PDE4D: variants seen among roughly 807,000 people sequenced by gnomAD.
The protein encoded by PDE4D is 3',5'-cyclic-AMP phosphodiesterase 4D.
Under a neutral mutation model 87.4 loss-of-function variants are expected in PDE4D, and 24 were observed. The ratio of observed to expected loss-of-function variants is 0.27; its 90% CI spans 0.20 to 0.39. PDE4D has a LOEUF of 0.39. Among genes scored for constraint, PDE4D ranks in the 10% least tolerant of loss-of-function variants. PDE4D has a pLI of 1.00. For synonymous variants in PDE4D, 384 were observed against 383.2 expected, an observed-to-expected ratio of 1.00 and a Z score of -0.02; for missense variants, 714 against 1,041.0, an observed-to-expected ratio of 0.69 and a Z score of 4.32.
intron 1 of PDE4D, among the ~76,000 whole-genome samples, chr5:59,635,889 A>G (rs889014545): frequency 2.0e-5 from 3 of 152,218 alleles, no homozygotes; most frequent in African/African-American, 4.8e-5. Context: ...GGCCAGGGCA[A>G]TCAGGCAAGA....
intron 1 of PDE4D, among the ~76,000 whole-genome samples, chr5:59,828,323 T>C (rs753436093): frequency 2.4e-4 from 37 of 152,198 alleles, no homozygotes; most frequent in South Asian, 1.0e-3. Context: ...TTTTTTTCCT[T>C]TTTGTAAGGA....
intron 1 of PDE4D, among the ~76,000 whole-genome samples, chr5:59,880,356 C>T (rs908207369): frequency 3.9e-5 from 6 of 152,042 alleles, no homozygotes; most frequent in Non-Finnish European, 5.9e-5. Context: ...GTAATAATCC[C>T]GCCTCGGCCT....
At chr5:59,234,697 A>C (rs1755986130) in intron 1 of PDE4D, among the ~76,000 whole-genome samples, 2 of 152,218 alleles carry the variant, frequency 1.3e-5, no homozygotes, top group Non-Finnish European at 2.9e-5. Flanking sequence ...ATATGCTGTA[A>C]AATAACTTCT....
chr5:59,935,318 T>C (rs1756445899), intron 3 of PDE4D, among the ~76,000 whole-genome samples: 1 of 151,872 alleles, frequency 6.6e-6, no homozygotes, highest in African/African-American at 2.4e-5. Flanking sequence ...AAATGGAGAC[T>C]CAAGACAGTA....
Position 59,858,669 on chromosome 5 carries a change from T to G in PDE4D, c.455+34499A>C, listed in dbSNP as rs114729072. 1.9e-3 allele frequency among the ~76,000 whole-genome samples: 294 copies of G among 152,270 alleles called. 1 individual carries two copies. The highest frequency in any genetic ancestry group is 6.8e-3 in the African/African-American group (283 of 41,562). On this transcript the variant is annotated intron_variant, in intron 1 of 14. Transcript: ENST00000340635. Reference sequence around the variant, plus strand: ...CACATAACTATCCATAAGTTCAACATAGATCAACCAAACACCAGTTGCCCC... The same window carrying G: ...CACATAACTATCCATAAGTTCAACAGAGATCAACCAAACACCAGTTGCCCC...
rs60337924 is a variant in PDE4D at position 59,131,645 on chromosome 5, C to CACACACACACAT, written c.808+48949_808+48950insATGTGTGTGTGT. Among the ~76,000 whole-genome samples the CACACACACACAT allele has an allele frequency of 7.7e-3, 1,124 of 146,388 alleles. 27 individuals are homozygous for CACACACACACAT. Among genetic ancestry groups the CACACACACACAT allele is most frequent in the African/African-American group, 0.016 (610 of 38,198 alleles). ...ACACACACACACACACACACACACA[C>CACACACACACAT]ATTAATGAGAGATTTCTAAGCCCCC... On this transcript the variant is annotated intron_variant, in intron 5 of 14. Transcript: ENST00000340635.
chr5:59,106,536 T>G (rs1436810385), intron 5 of PDE4D, among the ~76,000 whole-genome samples: 2 of 151,738 alleles, frequency 1.3e-5, no homozygotes, highest in Non-Finnish European at 2.9e-5. Flanking sequence ...GCCGAGGCAG[T>G]TGGATCATGA....
chr5:60,433,940 A>C (rs2150120685), intron 1 of PDE4D, among the ~76,000 whole-genome samples: 1 of 152,236 alleles, frequency 6.6e-6, no homozygotes, highest in Middle Eastern at 3.4e-3. Flanking sequence ...GGTAGGAGGA[A>C]GGTGATGATC....
chr5:60,364,179 G>A (rs1413239578), intron 1 of PDE4D, among the ~76,000 whole-genome samples: 1 of 152,126 alleles, frequency 6.6e-6, no homozygotes, highest in African/African-American at 2.4e-5. Context: ...TGAGTTCCAG[G>A]TTCTCCTCAG....
rs1767969244 is a variant in PDE4D at position 60,037,759 on chromosome 5, A to G, written c.43-49042T>C. Among the ~76,000 whole-genome samples the G allele has an allele frequency of 2.6e-5, 4 of 152,224 alleles. No individual in the cohort carries two copies. In the South Asian group the frequency reaches 8.3e-4, roughly 31 times the overall value. ...TGTGCAATATTGTTTAGCTAAAGAA[A>G]TCAAAGGTAGTTCTGAAATATGGAA... On this transcript the variant is annotated intron_variant, in intron 2 of 16. Coordinates refer to the PDE4D transcript ENST00000502484.
chr5:59,320,343 C>A lies in PDE4D; in HGVS notation c.456-104375G>T, dbSNP rs1027172694. ...ACTTAGTCTGGAAACACAGGCTATACATAATATCAGGAAGGACATCTTCGG... is the reference window on the plus strand; with the variant it reads ...ACTTAGTCTGGAAACACAGGCTATAAATAATATCAGGAAGGACATCTTCGG... On this transcript the variant is annotated intron_variant, in intron 1 of 14. Transcript: ENST00000340635. Among the ~76,000 whole-genome samples, 11 of 152,108 alleles carry A rather than the reference C, an allele frequency of 7.2e-5. No homozygotes were observed. The East Asian group carries it at 1.9e-3, about 27-fold the overall frequency.
chr5:59,497,545 T>C (rs1468217426), intron 1 of PDE4D, among the ~76,000 whole-genome samples: 1 of 151,936 alleles, frequency 6.6e-6, no homozygotes, highest in Non-Finnish European at 1.5e-5. Context: ...CAAAATACAG[T>C]TGGAAGCCTT....
chr5:59,473,592 T>C (rs1802821192), intron 1 of PDE4D, among the ~76,000 whole-genome samples: 1 of 152,130 alleles, frequency 6.6e-6, no homozygotes, highest in South Asian at 2.1e-4. Context: ...AAATGCCTTA[T>C]AGTGTCTCTA....
chr5:60,285,547 G>C (rs73104767), intron 1 of PDE4D, among the ~76,000 whole-genome samples: 1 of 151,532 alleles, frequency 6.6e-6, no homozygotes, highest in Non-Finnish European at 1.5e-5. Flanking sequence ...AAAATTACAG[G>C]GAAGAAAAAC....
At position 60,054,530 on chromosome 5, in the gene PDE4D, G is replaced by A. The variant is rs573370040; in HGVS notation, c.43-65813C>T. Among the ~76,000 whole-genome samples, 20 of 152,158 alleles carry A rather than the reference G, an allele frequency of 1.3e-4. No homozygotes were observed. The South Asian group carries it at 1.7e-3, about 13-fold the overall frequency. On this transcript the variant is annotated intron_variant, in intron 2 of 16. Transcript: ENST00000502484. ...GGAACATCACACACCAGGGCCTGTC[G>A]GTGGGTGGAGACTAGGGGAGGGATA... is the stretch of plus-strand genomic sequence containing the variant.
chr5:59,876,581 G>T (rs1020624336), intron 1 of PDE4D, among the ~76,000 whole-genome samples: 1 of 151,966 alleles, frequency 6.6e-6, no homozygotes, highest in African/African-American at 2.4e-5. Flanking sequence ...TGCTATACTG[G>T]ATTTTTATCA....
At chr5:60,143,508 C>T (rs1207754723) in intron 2 of PDE4D, among the ~76,000 whole-genome samples, 2 of 151,994 alleles carry the variant, frequency 1.3e-5, no homozygotes, top group African/African-American at 2.4e-5. Flanking sequence ...TCAACTCCAG[C>T]GGCACATTAG....
chr5:59,060,016 G>A (rs1195043092), intron 5 of PDE4D, among the ~76,000 whole-genome samples: 3 of 152,024 alleles, frequency 2.0e-5, no homozygotes, highest in African/African-American at 7.2e-5. Flanking sequence ...ACTAAGTTTT[G>A]GTGAATGAGT....
At chr5:59,652,804 GT>G (rs202089635) in intron 1 of PDE4D, among the ~76,000 whole-genome samples, 159 of 143,296 alleles carry the variant, frequency 1.1e-3, no homozygotes, top group East Asian at 1.2e-3. Flanking sequence ...CTTATTGCAT[GT>G]TTTTTTTTTT....
Sources: allele counts gnomAD v4.1 joint callset (sites outside exome capture counted in the v4.1 genomes callset), GRCh38; gene constraint gnomAD v4.1.1; transcripts MANE v1.5; gene names NCBI Gene and HGNC (gene_info 2026-07-23, HGNC 2026-07-21).